KCNQ1OT1: variants seen among roughly 807,000 people sequenced by gnomAD.
The protein encoded by KCNQ1OT1 is KCNQ1 opposite strand/antisense transcript 1.
In KCNQ1OT1 at chr11:2,659,972, C is replaced by A; in HGVS notation, n.40023G>T. Reference sequence around the variant, plus strand: ...ACCTGATAGGTGATATGCAAATATTCTTTCCAAGTCTGTGCTTTGTCTTTT... The same window carrying A: ...ACCTGATAGGTGATATGCAAATATTATTTCCAAGTCTGTGCTTTGTCTTTT... On this transcript the variant is annotated non_coding_transcript_exon_variant, in exon 1 of 1. Transcript: ENST00000597346. The surrounding 1 kb of genome is among the most constrained non-coding windows in gnomAD (Gnocchi z 4.3). 2 of 398,418 alleles carry A rather than the reference C, an allele frequency of 5.0e-6. No homozygotes were observed. Among genetic ancestry groups the A allele is most frequent in the Non-Finnish European group, 8.9e-6 (2 of 225,978 alleles). 24.7% of individuals were successfully genotyped at this position (398,418 alleles called of 1,614,324 possible).
Position 2,663,470 on chromosome 11 carries a change from TG to T in KCNQ1OT1, n.36524del, listed in dbSNP as rs1850006262. The T allele has an allele frequency of 2.5e-6, 1 of 398,584 alleles. No homozygotes were observed. Among genetic ancestry groups the T allele is most frequent in the South Asian group, 1.3e-4 (1 of 7,860 alleles). 24.7% of individuals were successfully genotyped at this position (398,584 alleles called of 1,614,324 possible). A position where few individuals can be genotyped will look rare whatever the true frequency, so the allele number is the denominator to read the frequency against. ...TCCAAAGTGATCAGTGTTAGTTTAG[TG>T]GCTCATGTTGTGTGCAATACAGGTG... On this transcript the variant is annotated non_coding_transcript_exon_variant, in exon 1 of 1. Transcript: ENST00000597346. The surrounding 1 kb of genome is among the most constrained non-coding windows in gnomAD (Gnocchi z 5.2).
exon 1 of KCNQ1OT1, chr11:2,684,765 C>T: frequency 2.5e-6 from 1 of 398,672 alleles, no homozygotes; most frequent in Non-Finnish European, 4.4e-6. Flanking sequence ...TAAGGGAGGA[C>T]TGCCTCCCAG....
rs1849884838 is a variant in KCNQ1OT1, at chr11:2,658,129, TG to T, written n.41865del. 2.5e-6 allele frequency: 1 copy of T among 398,456 alleles called. No homozygotes were observed. The highest frequency in any genetic ancestry group is 4.4e-6 in the Non-Finnish European group (1 of 226,046). The allele number at this position is 398,456 out of a possible 1,614,324, so 24.7% of individuals were successfully genotyped here. ...GAGTATCAAAAAAAATCTGCAAATATGTTAAAACTACCACAGCAATTAAAAT... is the reference window on the plus strand; with the variant it reads ...GAGTATCAAAAAAAATCTGCAAATATTTAAAACTACCACAGCAATTAAAAT... On this transcript the variant is annotated non_coding_transcript_exon_variant, in exon 1 of 1. Coordinates refer to ENST00000597346, the Ensembl canonical transcript of KCNQ1OT1. The surrounding 1 kb of genome is among the most constrained non-coding windows in gnomAD (Gnocchi z 4.9).
chr11:2,697,636 G>T, exon 1 of KCNQ1OT1: 1 of 398,534 alleles, frequency 2.5e-6, no homozygotes, highest in East Asian at 3.6e-5. Context: ...GAACCATATG[G>T]TTTTTCTCCT....
Position 2,624,485 on chromosome 11 carries a change from A to G in KCNQ1OT1, n.75510T>C. ...CCTTTGGTGTCATATCTAAAAAGCC[A>G]TCACCAAACTAAAGATCATCTAGAT... is the stretch of plus-strand genomic sequence containing the variant. On this transcript the variant is annotated non_coding_transcript_exon_variant, in exon 1 of 1. Transcript: ENST00000597346. This position sits in a 1 kb window ranked among gnomAD's most constrained non-coding sequence, Gnocchi z 4.9. 2.5e-6 allele frequency: 1 copy of G among 398,518 alleles called. No individual in the cohort carries two copies. Among genetic ancestry groups the G allele is most frequent in the South Asian group, 1.3e-4 (1 of 7,854 alleles). 24.7% of individuals were successfully genotyped at this position (398,518 alleles called of 1,614,324 possible).
chr11:2,616,826 G>A, exon 1 of KCNQ1OT1: 1 of 398,256 alleles, frequency 2.5e-6, no homozygotes, highest in Non-Finnish European at 4.4e-6. Flanking sequence ...CCTAGGGAAT[G>A]TTCCATGTGC....
rs752192875 is a variant in KCNQ1OT1 at position 2,626,105 on chromosome 11, G to A, written n.73890C>T. 1.0e-5 allele frequency: 4 copies of A among 398,264 alleles called. No homozygotes were observed. Among genetic ancestry groups the A allele is most frequent in the Non-Finnish European group, 1.8e-5 (4 of 226,010 alleles). The allele number at this position is 398,264 out of a possible 1,614,324, so 24.7% of individuals were successfully genotyped here. On this transcript the variant is annotated non_coding_transcript_exon_variant, in exon 1 of 1. Transcript: ENST00000597346. The surrounding 1 kb of genome is among the most constrained non-coding windows in gnomAD (Gnocchi z 4.0). ...CAATTTATCTATTTTTACTTTTATT[G>A]CCTGTGCCTTTGGTGTCGCATACAA...
rs1389041086 is a variant in KCNQ1OT1, at chr11:2,617,466, T to A, written n.82529A>T. Reference sequence around the variant, plus strand: ...ATACACACCACAGTTTAGTCATCCATCAATGGACACGTAAGTTTTCATATC... The same window carrying A: ...ATACACACCACAGTTTAGTCATCCAACAATGGACACGTAAGTTTTCATATC... On this transcript the variant is annotated non_coding_transcript_exon_variant, in exon 1 of 1. Transcript: ENST00000597346. This position sits in a 1 kb window ranked among gnomAD's most constrained non-coding sequence, Gnocchi z 4.6. The A allele has an allele frequency of 1.0e-5, 4 of 398,320 alleles. No homozygotes were observed. Among genetic ancestry groups the A allele is most frequent in the African/African-American group, 8.2e-5 (4 of 48,612 alleles). The allele number at this position is 398,320 out of a possible 1,614,324, so 24.7% of individuals were successfully genotyped here.
At chr11:2,686,086 G>A (rs1403408560) in exon 1 of KCNQ1OT1, 23 of 398,760 alleles carry the variant, frequency 5.8e-5, no homozygotes, top group Non-Finnish European at 1.0e-4. Flanking sequence ...CCAGCATTGA[G>A]TAGGCCTGAG....
At chr11:2,694,886 G>A (rs1850648900) in exon 1 of KCNQ1OT1, 1 of 398,566 alleles carries the variant, frequency 2.5e-6, no homozygotes, top group South Asian at 1.3e-4. Flanking sequence ...AGAAGGAATT[G>A]TCAAGGGAAG....
exon 1 of KCNQ1OT1, chr11:2,686,153 T>A: frequency 2.5e-6 from 1 of 398,890 alleles, no homozygotes; most frequent in Non-Finnish European, 4.4e-6. Flanking sequence ...TGGGGTTTGC[T>A]TCGCCTTTCT....
chr11:2,694,664 G>A (rs993916759), exon 1 of KCNQ1OT1: 2 of 398,618 alleles, frequency 5.0e-6, no homozygotes, highest in East Asian at 3.6e-5. Context: ...CACCATGTGC[G>A]GACCCTATAC....
exon 1 of KCNQ1OT1, chr11:2,667,077 T>C (rs1850087600): frequency 5.0e-6 from 2 of 398,532 alleles, no homozygotes; most frequent in Non-Finnish European, 4.4e-6. Context: ...CACGGGGGGA[T>C]TAAATGTTCT....
chr11:2,692,241 G>C (rs1850600194), exon 1 of KCNQ1OT1: 1 of 398,720 alleles, frequency 2.5e-6, no homozygotes, highest in African/African-American at 2.1e-5. Flanking sequence ...ATCACCTCAA[G>C]CCCATCACCA....
rs183841991 is a variant in KCNQ1OT1 at position 2,699,983 on chromosome 11, G to T, written n.12C>A. On this transcript the variant is annotated non_coding_transcript_exon_variant, in exon 1 of 1. Transcript: ENST00000597346. ...CTGGAGGTCCGTGCTGAGGCGACGC[G>T]GCGACCGTTCTGCCTGGAGACTGCG... The T allele has an allele frequency of 4.8e-5, 19 of 398,298 alleles. No homozygotes were observed. In the Middle Eastern group the frequency reaches 1.9e-3, roughly 40 times the overall value. The allele number at this position is 398,298 out of a possible 1,614,324, so 24.7% of individuals were successfully genotyped here.
exon 1 of KCNQ1OT1, chr11:2,672,645 CT>C: frequency 2.5e-6 from 1 of 398,732 alleles, no homozygotes; most frequent in Non-Finnish European, 4.4e-6. Context: ...AATGGAAGCA[CT>C]GAGACCAGAT....
In KCNQ1OT1 at chr11:2,695,230, G is replaced by A. The variant is rs1850654197; in HGVS notation, n.4765C>T. On this transcript the variant is annotated non_coding_transcript_exon_variant, in exon 1 of 1. Coordinates refer to ENST00000597346, the Ensembl canonical transcript of KCNQ1OT1. This position sits in a 1 kb window ranked among gnomAD's most constrained non-coding sequence, Gnocchi z 5.2. Reference sequence around the variant, plus strand: ...CTGTAAGGGTCTGCATAAAGTCACCGCTCTCTTCCTCTCCATGCTTTTCCA... The same window carrying A: ...CTGTAAGGGTCTGCATAAAGTCACCACTCTCTTCCTCTCCATGCTTTTCCA... The A allele has an allele frequency of 2.0e-5, 8 of 398,418 alleles. No individual in the cohort carries two copies. The highest frequency in any genetic ancestry group is 6.2e-4 in the Middle Eastern group (1 of 1,610). 24.7% of individuals were successfully genotyped at this position (398,418 alleles called of 1,614,324 possible). A position where few individuals can be genotyped will look rare whatever the true frequency, so the allele number is the denominator to read the frequency against.
At chr11:2,618,728 T>C in exon 1 of KCNQ1OT1, 1 of 398,520 alleles carries the variant, frequency 2.5e-6, no homozygotes, top group Admixed American at 4.4e-5. Context: ...AAATTTTCCA[T>C]GGGATTTTGA....
In KCNQ1OT1 at chr11:2,661,094, C is replaced by A; in HGVS notation, n.38901G>T. On this transcript the variant is annotated non_coding_transcript_exon_variant, in exon 1 of 1. Coordinates refer to ENST00000597346, the Ensembl canonical transcript of KCNQ1OT1. This position sits in a 1 kb window ranked among gnomAD's most constrained non-coding sequence, Gnocchi z 5.9. ...CAGTGACATCCCATGTGCATAAAAGCAACTCCCACCTGGCATCTGCTGCTC... is the reference window on the plus strand; with the variant it reads ...CAGTGACATCCCATGTGCATAAAAGAAACTCCCACCTGGCATCTGCTGCTC... 1 of 398,396 alleles carries A rather than the reference C, an allele frequency of 2.5e-6. No individual in the cohort carries two copies. 24.7% of individuals were successfully genotyped at this position (398,396 alleles called of 1,614,324 possible).
Sources: allele counts gnomAD v4.1 joint callset, GRCh38; gene constraint gnomAD v4.1.1; non-coding constraint Gnocchi (gnomAD v3.1); transcripts MANE v1.5; gene names NCBI Gene and HGNC (gene_info 2026-07-23, HGNC 2026-07-21).